The following ARMCX3 variants were observed in gnomAD, a reference collection of about 807,000 sequenced individuals.
ARMCX3 encodes armadillo repeat containing X-linked 3.
ARMCX3 carries 3 observed loss-of-function variants against 12.6 expected under a neutral mutation model. That is an observed-to-expected ratio of 0.24 (90% CI 0.11 to 0.61). The LOEUF is 0.61. Ranked by LOEUF, ARMCX3 falls within the 20% of genes least tolerant of loss-of-function variation. The pLI, the probability that ARMCX3 is intolerant of heterozygous loss-of-function variation, is 0.88. For synonymous variants in ARMCX3, 102 were observed against 103.1 expected, an observed-to-expected ratio of 0.99 and a Z score of 0.06; for missense variants, 204 against 286.1, an observed-to-expected ratio of 0.71 and a Z score of 2.07.
Position 101,627,739 on chromosome X carries a change from G to T in ARMCX3, c.*1620G>T, listed in dbSNP as rs1936009730. 1 of 124,169 alleles carries T rather than the reference G, an allele frequency of 8.1e-6. No homozygotes were observed. Among genetic ancestry groups the T allele is most frequent in the African/African-American group, 3.2e-5 (1 of 31,074 alleles). The allele number at this position is 124,169 out of a possible 1,213,427, so 10.2% of individuals were successfully genotyped here. A position where few individuals can be genotyped will look rare whatever the true frequency, so the allele number is the denominator to read the frequency against. On this transcript the variant is annotated 3_prime_UTR_variant, in exon 5 of 5. Coordinates refer to ENST00000471229, the MANE Select transcript of ARMCX3 (RefSeq NM_177947.3). ...CACCCTTAATTACCTAGAATGCAGGGTTGTTAGTTTTTTGGTTGACTTTTG... is the reference window on the plus strand; with the variant it reads ...CACCCTTAATTACCTAGAATGCAGGTTTGTTAGTTTTTTGGTTGACTTTTG...
In ARMCX3 at chrX:101,625,898, G is replaced by A. The variant is rs781847660; in HGVS notation, c.919G>A (p.Val307Ile). 1 of 1,199,884 alleles carries A rather than the reference G, an allele frequency of 8.3e-7. No homozygotes were observed. ...CAAAGAAGTTATTCTTAAACTTCTGGTCATATTTGAGAACATAAATGATAA... is the reference window on the plus strand; with the variant it reads ...CAAAGAAGTTATTCTTAAACTTCTGATCATATTTGAGAACATAAATGATAA... ...ENKEVILKLL[V>I]IFENINDNFK... Residue 307 changes from valine to isoleucine, a missense_variant, in exon 5 of 5, where the codon GTC (valine) becomes ATC (isoleucine). Coordinates refer to ENST00000471229, the MANE Select transcript of ARMCX3 (RefSeq NM_177947.3).
Position 101,626,319 on chromosome X carries a change from T to C in ARMCX3, c.*200T>C. Reference sequence around the variant, plus strand: ...AATATCACTACTTGTTCTGAAAACATGTTTGTTGCTTTTTATCTCGCTGCC... The same window carrying C: ...AATATCACTACTTGTTCTGAAAACACGTTTGTTGCTTTTTATCTCGCTGCC... On this transcript the variant is annotated 3_prime_UTR_variant, in exon 5 of 5. Coordinates refer to ENST00000471229, the MANE Select transcript of ARMCX3 (RefSeq NM_177947.3). 1 of 343,276 alleles carries C rather than the reference T, an allele frequency of 2.9e-6. No homozygotes were observed. The highest frequency in any genetic ancestry group is 2.7e-5 in the African/African-American group (1 of 37,556). 28.3% of individuals were successfully genotyped at this position (343,276 alleles called of 1,213,427 possible).
intron 4 of ARMCX3, 112 bp downstream of exon 4, chrX:101,624,662 A>G: frequency 4.6e-6 from 1 of 217,691 alleles, no homozygotes; most frequent in Non-Finnish European, 8.3e-6. Context: ...GGGCGGGGTG[A>G]CCTGGGATGG....
chrX:101,625,457 C>T lies in ARMCX3; in HGVS notation c.478C>T (p.Arg160Cys), dbSNP rs868995472. 8.3e-7 allele frequency: 1 copy of T among 1,206,747 alleles called. No homozygotes were observed. The highest frequency in any genetic ancestry group is 1.8e-5 in the South Asian group (1 of 55,803). ...TTATGCATTTAACAGAGATATTATT[C>T]GTGATCTGGGTGGTCTCCCAATTGT... ...AAYAFNRDII[R>C]DLGGLPIVAK... is the part of the protein sequence containing the mutation. The change falls in exon 5 of 5, where the codon CGT (arginine) becomes TGT (cysteine). Residue 160 changes from arginine (R) to cysteine (C), a missense_variant. Transcript: ENST00000471229.
At chrX:101,624,797 G>A (rs782060493) in intron 4 of ARMCX3, 37 bp from the exon 5 acceptor site, 4 of 336,528 alleles carry the variant, frequency 1.2e-5, no homozygotes, top group African/African-American at 1.1e-4. Flanking sequence ...ACAAGCAGAA[G>A]AGAAACTCAA....
rs1603242064 is a variant in ARMCX3 at position 101,627,534 on chromosome X, T to C, written c.*1415T>C. The C allele has an allele frequency of 8.0e-6, 1 of 125,175 alleles. No homozygotes were observed. 10.3% of individuals were successfully genotyped at this position (125,175 alleles called of 1,213,427 possible). A position where few individuals can be genotyped will look rare whatever the true frequency, so the allele number is the denominator to read the frequency against. On this transcript the variant is annotated 3_prime_UTR_variant, in exon 5 of 5. Transcript: ENST00000471229. Reference sequence around the variant, plus strand: ...AAGTGTTGGGAATGAAGCAAGTGATTGATTGGAAAACATACTGAATGGAAG... The same window carrying C: ...AAGTGTTGGGAATGAAGCAAGTGATCGATTGGAAAACATACTGAATGGAAG...
chrX:101,625,510 C>T lies in ARMCX3; in HGVS notation c.531C>T (p.Pro177=). The change falls in exon 5 of 5, where the codon CCC becomes CCT. Residue 177 remains proline, a synonymous_variant. Transcript: ENST00000471229. ...CAAAGATTCTCAATACTCGGGATCC[C>T]ATAGTTAAGGAAAAGGCTTTAATTG... ...IVAKILNTRD[P]IVKEKALIVL... 1 of 1,210,283 alleles carries T rather than the reference C, an allele frequency of 8.3e-7. No homozygotes were observed. Among genetic ancestry groups the T allele is most frequent in the East Asian group, 3.0e-5 (1 of 33,861 alleles).
chrX:101,625,600 G>A lies in ARMCX3; in HGVS notation c.621G>A (p.Val207=). The change falls in exon 5 of 5, where the codon GTG becomes GTA. Residue 207 remains valine, a synonymous_variant. Transcript: ENST00000471229. ...QRRLKVYMNQ[V]CDDTITSRLN... ...GGCTTAAAGTATACATGAATCAAGT[G>A]TGTGATGACACAATCACTTCTCGCT... 1 of 1,196,697 alleles carries A rather than the reference G, an allele frequency of 8.4e-7. No homozygotes were observed. Among genetic ancestry groups the A allele is most frequent in the Non-Finnish European group, 1.1e-6 (1 of 889,124 alleles).
chrX:101,625,842 C>T lies in ARMCX3; in HGVS notation c.863C>T (p.Ser288Leu). ...RELLRAQVPS[S>L]LGSLFNKKEN... ...CTGCTCAGGGCCCAAGTACCATCTTCACTGGGCTCCCTCTTTAATAAGAAG... is the reference window on the plus strand; with the variant it reads ...CTGCTCAGGGCCCAAGTACCATCTTTACTGGGCTCCCTCTTTAATAAGAAG... The change falls in exon 5 of 5, where the codon TCA becomes TTA. Residue 288 changes from serine to leucine, a missense_variant. By Grantham distance (145) the Ser-to-Leu change is moderately radical. Transcript: ENST00000471229. 1 of 1,207,765 alleles carries T rather than the reference C, an allele frequency of 8.3e-7. No individual in the cohort carries two copies. Among genetic ancestry groups the T allele is most frequent in the Non-Finnish European group, 1.1e-6 (1 of 893,173 alleles).
Position 101,625,142 on chromosome X carries a change from G to A in ARMCX3, c.163G>A (p.Ala55Thr). 8.3e-7 allele frequency: 1 copy of A among 1,209,859 alleles called. No individual in the cohort carries two copies. The highest frequency in any genetic ancestry group is 1.1e-6 in the Non-Finnish European group (1 of 895,200). The part of the protein sequence containing the change: ...DVDDAGDCSG[A>T]RYNDWSDDDD... ...GGATGATGCTGGGGACTGTTCTGGG[G>A]CCAGGTATAATGACTGGTCTGATGA... is the stretch of plus-strand genomic sequence containing the variant. Residue 55 changes from alanine to threonine, a missense_variant, in exon 5 of 5, where the codon GCC becomes ACC. Physicochemically the swap from Ala to Thr is moderately conservative, Grantham distance 58. Coordinates refer to ENST00000471229, the MANE Select transcript of ARMCX3 (RefSeq NM_177947.3).
At position 101,625,937 on chromosome X, in the gene ARMCX3, G is replaced by T. The variant is rs782428966; in HGVS notation, c.958G>T (p.Glu320Ter). The part of the protein sequence containing the change: ...ENINDNFKWE[E>*]NEPTQNQFGE... The stretch of plus-strand genomic sequence containing the variant: ...CATAAATGATAATTTCAAATGGGAA[G>T]AAAATGAACCTACTCAGAATCAATT... Residue 320 changes from glutamate (E) to a stop codon, truncating the protein, a stop_gained, in exon 5 of 5, where the codon GAA becomes TAA. Coordinates refer to ENST00000471229, the MANE Select transcript of ARMCX3 (RefSeq NM_177947.3). LOFTEE classifies it high-confidence loss of function. 8.3e-7 allele frequency: 1 copy of T among 1,202,083 alleles called. No individual in the cohort carries two copies.
At position 101,627,837 on chromosome X, in the gene ARMCX3, T is replaced by G. The variant is rs998626608; in HGVS notation, c.*1718T>G. The G allele has an allele frequency of 2.4e-5, 3 of 124,498 alleles. No homozygotes were observed. The highest frequency in any genetic ancestry group is 5.6e-5 in the Non-Finnish European group (3 of 53,490). The allele number at this position is 124,498 out of a possible 1,213,427, so 10.3% of individuals were successfully genotyped here. On this transcript the variant is annotated 3_prime_UTR_variant, in exon 5 of 5. Coordinates refer to ENST00000471229, the MANE Select transcript of ARMCX3 (RefSeq NM_177947.3). ...AGTAACAATAAAGGTTAACATTTATTAAGTGACTACTGTGTAAAGTTCTAT... is the reference window on the plus strand; with the variant it reads ...AGTAACAATAAAGGTTAACATTTATGAAGTGACTACTGTGTAAAGTTCTAT...
rs1569370348 is a variant in ARMCX3 at position 101,625,233 on chromosome X, A to C, written c.254A>C (p.Glu85Ala). The change falls in exon 5 of 5, where the codon GAA becomes GCA. Residue 85 changes from glutamate (E) to alanine (A), a missense_variant. Coordinates refer to ENST00000471229, the MANE Select transcript of ARMCX3 (RefSeq NM_177947.3). The stretch of plus-strand genomic sequence containing the variant: ...CCACCTTGGGCTCGGATTGGGACTG[A>C]AGCTGGAACCAGAGCTAGGGCCAGG... ...WYPPWARIGT[E>A]AGTRARARAR... 1 of 1,211,319 alleles carries C rather than the reference A, an allele frequency of 8.3e-7. No individual in the cohort carries two copies. Among genetic ancestry groups the C allele is most frequent in the Admixed American group, 2.2e-5 (1 of 46,032 alleles).
chrX:101,626,188 G>A lies in ARMCX3; in HGVS notation c.*69G>A. The A allele has an allele frequency of 2.1e-6, 2 of 963,317 alleles. No individual in the cohort carries two copies. Among genetic ancestry groups the A allele is most frequent in the Non-Finnish European group, 2.8e-6 (2 of 713,664 alleles). The allele number at this position is 963,317 out of a possible 1,213,427, so 79.4% of individuals were successfully genotyped here. On this transcript the variant is annotated 3_prime_UTR_variant, in exon 5 of 5. Transcript: ENST00000471229. The stretch of plus-strand genomic sequence containing the variant: ...TTCATTTTCTCCACCTTGTTTATAT[G>A]GTAAAGGAATCCTTTCAGCTGCCAG...
rs1556038930 is a variant in ARMCX3 at position 101,626,600 on chromosome X, C to A, written c.*481C>A. 1 of 123,681 alleles carries A rather than the reference C, an allele frequency of 8.1e-6. No individual in the cohort carries two copies. The highest frequency in any genetic ancestry group is 1.9e-5 in the Non-Finnish European group (1 of 53,528). 10.2% of individuals were successfully genotyped at this position (123,681 alleles called of 1,213,427 possible). A position where few individuals can be genotyped will look rare whatever the true frequency, so the allele number is the denominator to read the frequency against. On this transcript the variant is annotated 3_prime_UTR_variant, in exon 5 of 5. Transcript: ENST00000471229. ...AAGCATGTACTCATTGTCAGATGTT[C>A]CCTCTGAGAGCACAGAGGAGGCAAA...
chrX:101,624,205 T>G lies in ARMCX3; in HGVS notation c.-231T>G, dbSNP rs1366399877. 1 of 109,094 alleles carries G rather than the reference T, an allele frequency of 9.2e-6. No homozygotes were observed. 9.0% of individuals were successfully genotyped at this position (109,094 alleles called of 1,213,427 possible). On this transcript the variant is annotated 5_prime_UTR_variant, in exon 3 of 5. Transcript: ENST00000471229. ...GCTTGAAGCGAGGGAGGAAGTTTCCTCCGATCAGTAGAGGTCGGTGTGGGC... is the reference window on the plus strand; with the variant it reads ...GCTTGAAGCGAGGGAGGAAGTTTCCGCCGATCAGTAGAGGTCGGTGTGGGC...
At chrX:101,624,698 A>C in intron 4 of ARMCX3, 136 bp from the exon 5 acceptor site, 1 of 262,319 alleles carries the variant, frequency 3.8e-6, no homozygotes, top group Non-Finnish European at 6.7e-6. Flanking sequence ...AATGAGAGGC[A>C]TAGAGATTTC....
In ARMCX3 at chrX:101,626,839, G is replaced by C. The variant is rs1350806838; in HGVS notation, c.*720G>C. On this transcript the variant is annotated 3_prime_UTR_variant, in exon 5 of 5. Transcript: ENST00000471229. ...GTGGAGAGTGGGAGTAGATAATTTT[G>C]GAAAGCTGGGTGAAGCCAGTTGTGG... 4 of 123,091 alleles carry C rather than the reference G, an allele frequency of 3.2e-5. No individual in the cohort carries two copies. Among genetic ancestry groups the C allele is most frequent in the African/African-American group, 1.3e-4 (4 of 30,693 alleles). 10.1% of individuals were successfully genotyped at this position (123,091 alleles called of 1,213,427 possible). A position where few individuals can be genotyped will look rare whatever the true frequency, so the allele number is the denominator to read the frequency against.
rs781898155 is a variant in ARMCX3 at position 101,626,121 on chromosome X, A to T, written c.*2A>T. ...ATGTTCCCAAAGAGCCAGGAATAAC[A>T]CCTTGATTTTGTAATTTAGAAGCAA... On this transcript the variant is annotated 3_prime_UTR_variant, in exon 5 of 5. Transcript: ENST00000471229. 8.7e-7 allele frequency: 1 copy of T among 1,151,259 alleles called. No homozygotes were observed. The highest frequency in any genetic ancestry group is 1.8e-5 in the African/African-American group (1 of 54,624). 94.9% of individuals were successfully genotyped at this position (1,151,259 alleles called of 1,213,427 possible).
Sources: allele counts gnomAD v4.1 joint callset, GRCh38; gene constraint gnomAD v4.1.1; transcripts MANE v1.5; gene names NCBI Gene and HGNC (gene_info 2026-07-23, HGNC 2026-07-21).